USP19: variants seen among roughly 807,000 people sequenced by gnomAD.
The protein encoded by USP19 is ubiquitin specific peptidase 19.
A neutral mutation model predicts 144.8 loss-of-function variants in USP19; 40 were observed. The ratio of observed to expected loss-of-function variants is 0.28; its 90% CI spans 0.21 to 0.36. USP19 has a LOEUF of 0.36. USP19 is among the 10% of genes least tolerant of loss of function. The pLI is 1.00. For missense variants in USP19, 1,518 were observed against 1,822.5 expected (o/e 0.83, Z 3.04); for synonymous variants, 701 against 709.3 (o/e 0.99, Z 0.19).
Position 49,108,724 on chromosome 3 carries a change from T to C in USP19, c.4039-196A>G. ...AACACTTTTAAGTACAGGAAGTAGC[T>C]TGGGCAGGGCCAAGCCTGAGGCCAA... On this transcript the variant is annotated intron_variant, in intron 26 of 26. Transcript: ENST00000417901. The surrounding 1 kb of genome is among the most constrained non-coding windows in gnomAD (Gnocchi z 4.8). The C allele has an allele frequency of 5.2e-6, 7 of 1,355,546 alleles. No homozygotes were observed. The highest frequency in any genetic ancestry group is 5.7e-6 in the Non-Finnish European group (6 of 1,058,278). 84.0% of individuals were successfully genotyped at this position (1,355,546 alleles called of 1,614,324 possible). A position where few individuals can be genotyped will look rare whatever the true frequency, so the allele number is the denominator to read the frequency against.
intron 26 of USP19, among the ~76,000 whole-genome samples, chr3:49,109,680 A>G (rs1432830856): frequency 6.6e-6 from 1 of 152,224 alleles, no homozygotes; most frequent in Non-Finnish European, 1.5e-5. Context: ...AACTGGGCCT[A>G]TGGCACACCA....
Position 49,118,075 on chromosome 3 carries a change from G to A in USP19, c.170C>T (p.Ala57Val), listed in dbSNP as rs1423688977. ...YVAQAGLEPL[A>V]SGDPSASASH... ...GGCTGAGGCAGAAGGATCACCTGAG[G>A]CCAGAGGTTCAAGACCAGCCTGGGC... The change falls in exon 3 of 27, where the codon GCC becomes GTC. Residue 57 changes from alanine to valine, a missense_variant. Around this residue, in one of 5 missense-constraint regions of USP19, gnomAD observed 707 missense variants for 728.9 expected, o/e 0.97. Coordinates refer to ENST00000417901, the MANE Select transcript of USP19 (RefSeq NM_001199161.2). 1 of 1,567,372 alleles carries A rather than the reference G, an allele frequency of 6.4e-7. No individual in the cohort carries two copies. Among genetic ancestry groups the A allele is most frequent in the African/African-American group, 1.4e-5 (1 of 72,832 alleles).
In USP19 at chr3:49,114,481, C is replaced by T. The variant is rs919785259; in HGVS notation, c.2293-197G>A. On this transcript the variant is annotated intron_variant, in intron 15 of 26. Coordinates refer to ENST00000417901, the MANE Select transcript of USP19 (RefSeq NM_001199161.2). This position sits in a 1 kb window ranked among gnomAD's most constrained non-coding sequence, Gnocchi z 4.5. Reference sequence around the variant, plus strand: ...CAATCCTTCTTTCTGGCACTCAAAGCCCTACTCAGCTTAGCCACTTTACGA... The same window carrying T: ...CAATCCTTCTTTCTGGCACTCAAAGTCCTACTCAGCTTAGCCACTTTACGA... Among the ~76,000 whole-genome samples, 1 of 152,192 alleles carries T rather than the reference C, an allele frequency of 6.6e-6. No homozygotes were observed. Among genetic ancestry groups the T allele is most frequent in the Middle Eastern group, 3.2e-3 (1 of 316 alleles).
At position 49,112,013 on chromosome 3, in the gene USP19, C is replaced by G. The variant is rs1307417531; in HGVS notation, c.2801G>C (p.Gly934Ala). 6.2e-7 allele frequency: 1 copy of G among 1,614,108 alleles called. No homozygotes were observed. Among genetic ancestry groups the G allele is most frequent in the East Asian group, 2.2e-5 (1 of 44,882 alleles). ...CQKTHWPDHK[G>A]LCRPENIGYP... ...GCCAATGTTCTCAGGTCGGCAGAGG[C>G]CCTTGTGGTCAGGCCAGTGGGTTTT... Residue 934 changes from glycine to alanine, a missense_variant, in exon 20 of 27, where the codon GGC becomes GCC. Physicochemically the swap from Gly to Ala is moderately conservative, Grantham distance 60 (BLOSUM62 0). This residue lies in a region of USP19 where 413 missense variants were observed against 515.8 expected (regional missense o/e 0.80). Coordinates refer to ENST00000417901, the MANE Select transcript of USP19 (RefSeq NM_001199161.2). The surrounding 1 kb of genome is among the most constrained non-coding windows in gnomAD (Gnocchi z 4.9).
Position 49,116,208 on chromosome 3 carries a change from AG to A in USP19, c.1356-47del, listed in dbSNP as rs2044095919. Reference sequence around the variant, plus strand: ...CAGGGACTTAGGAGGAATGAGCATCAGGATAGATGAGCCAGGGAGATGGAGC... The same window carrying A: ...CAGGGACTTAGGAGGAATGAGCATCAGATAGATGAGCCAGGGAGATGGAGC... On this transcript the variant is annotated intron_variant, in intron 9 of 26. Transcript: ENST00000417901. The surrounding 1 kb of genome is among the most constrained non-coding windows in gnomAD (Gnocchi z 5.0). The A allele has an allele frequency of 6.2e-7, 1 of 1,613,712 alleles. No homozygotes were observed. Among genetic ancestry groups the A allele is most frequent in the Non-Finnish European group, 8.5e-7 (1 of 1,179,818 alleles).
At position 49,111,671 on chromosome 3, in the gene USP19, G is replaced by A. The variant is rs749448470; in HGVS notation, c.3046C>T (p.Leu1016Phe). Reference protein sequence around the residue: ...SERDPIQPPELQLVTPMAEGD... With the variant: ...SERDPIQPPEFQLVTPMAEGD... ...TCAGCCATAGGGGTCACCAGCTGGA[G>A]CTCAGGTGGCTGAATGGGGTCTCTC... The change falls in exon 21 of 27, where the codon CTC (leucine) becomes TTC (phenylalanine). Residue 1016 changes from leucine (L) to phenylalanine (F), a missense_variant. Transcript: ENST00000417901. The surrounding 1 kb of genome is among the most constrained non-coding windows in gnomAD (Gnocchi z 5.9). 1.9e-6 allele frequency: 3 copies of A among 1,602,184 alleles called. No homozygotes were observed. Among genetic ancestry groups the A allele is most frequent in the South Asian group, 2.2e-5 (2 of 89,706 alleles).
Position 49,114,724 on chromosome 3 carries a change from C to G in USP19, c.2292+39G>C, listed in dbSNP as rs2043793616. On this transcript the variant is annotated intron_variant, in intron 15 of 26. Transcript: ENST00000417901. This position sits in a 1 kb window ranked among gnomAD's most constrained non-coding sequence, Gnocchi z 4.5. ...ACCTAATGTGACCAGAATAGCTGAG[C>G]TGAACTAGGGGGTCTCTTTCCAGGG... The G allele has an allele frequency of 3.7e-6, 6 of 1,604,874 alleles. No individual in the cohort carries two copies. In the African/African-American group the frequency reaches 4.0e-5, roughly 11 times the overall value.
At position 49,108,857 on chromosome 3, in the gene USP19, T is replaced by C; in HGVS notation, c.4039-329A>G. 1 of 1,468,964 alleles carries C rather than the reference T, an allele frequency of 6.8e-7. No individual in the cohort carries two copies. Among genetic ancestry groups the C allele is most frequent in the Admixed American group, 2.6e-5 (1 of 38,246 alleles). 91.0% of individuals were successfully genotyped at this position (1,468,964 alleles called of 1,614,324 possible). A position where few individuals can be genotyped will look rare whatever the true frequency, so the allele number is the denominator to read the frequency against. ...TCCCCACCCTCTCCCACCAGATGCA[T>C]AAGCTGAGGCCCAAAGCCCAGAGGT... is the stretch of plus-strand genomic sequence containing the variant. On this transcript the variant is annotated intron_variant, in intron 26 of 26. Transcript: ENST00000417901. The surrounding 1 kb of genome is among the most constrained non-coding windows in gnomAD (Gnocchi z 4.8).
Position 49,117,411 on chromosome 3 carries a change from C to T in USP19, c.606+26G>A, listed in dbSNP as rs138056152. On this transcript the variant is annotated intron_variant, in intron 5 of 26. Transcript: ENST00000417901. The surrounding 1 kb of genome is among the most constrained non-coding windows in gnomAD (Gnocchi z 4.4). ...CCTGTCGACTACACTGGTATCCCTA[C>T]CCAACCCTGTACTACTAGAACTCAC... 4.7e-3 allele frequency: 7,521 copies of T among 1,613,222 alleles called. 101 individuals carry two copies. Among genetic ancestry groups the T allele is most frequent in the Non-Finnish European group, 3.3e-3 (3,871 of 1,179,374 alleles).
At position 49,108,945 on chromosome 3, in the gene USP19, C is replaced by A; in HGVS notation, c.4039-417G>T. ...CAGGTAGGCCAGCTCACAGCAGCTG[C>A]CTGCAGGCGAGCTCATCTCCAGCGA... On this transcript the variant is annotated intron_variant, in intron 26 of 26. Transcript: ENST00000417901. The surrounding 1 kb of genome is among the most constrained non-coding windows in gnomAD (Gnocchi z 4.8). 1 of 1,601,300 alleles carries A rather than the reference C, an allele frequency of 6.2e-7. No homozygotes were observed. Among genetic ancestry groups the A allele is most frequent in the Admixed American group, 1.7e-5 (1 of 58,902 alleles).
chr3:49,117,996 A>C lies in USP19; in HGVS notation c.249T>G (p.Pro83=). 4 of 1,608,372 alleles carry C rather than the reference A, an allele frequency of 2.5e-6. No homozygotes were observed. The highest frequency in any genetic ancestry group is 3.4e-6 in the Non-Finnish European group (4 of 1,178,648). The change falls in exon 3 of 27, where the codon CCT becomes CCG. Residue 83 remains proline (P), a synonymous_variant. Coordinates refer to ENST00000417901, the MANE Select transcript of USP19 (RefSeq NM_001199161.2). The surrounding 1 kb of genome is among the most constrained non-coding windows in gnomAD (Gnocchi z 4.4). ...GSRHRTRLFF[P]SSSGSASTPQ... ...GAGTGGATGCTGACCCTGACGATGA[A>C]GGAAAGAACAGCCGGGTACGGTGGC...
chr3:49,114,424 C>A lies in USP19; in HGVS notation c.2293-140G>T. On this transcript the variant is annotated intron_variant, in intron 15 of 26. Transcript: ENST00000417901. This position sits in a 1 kb window ranked among gnomAD's most constrained non-coding sequence, Gnocchi z 4.5. ...CAGCAAACTCTCAGGCTTCAGGACA[C>A]TAGACAGGGCAGGAGGACCACCAGG... 1 of 740,232 alleles carries A rather than the reference C, an allele frequency of 1.4e-6. No individual in the cohort carries two copies. Among genetic ancestry groups the A allele is most frequent in the South Asian group, 1.8e-5 (1 of 55,422 alleles). The allele number at this position is 740,232 out of a possible 1,614,324, so 45.9% of individuals were successfully genotyped here.
chr3:49,110,369 C>T lies in USP19; in HGVS notation c.3860-7G>A. On this transcript the variant is annotated splice_polypyrimidine_tract_variant and splice_region_variant and intron_variant, in intron 25 of 26. Transcript: ENST00000417901. This position sits in a 1 kb window ranked among gnomAD's most constrained non-coding sequence, Gnocchi z 6.1. ...TCATCAAACAAGCGCCAGCCTACAGCAGGGTGGGAAGAGTGTGAACAAAGT... is the reference window on the plus strand; with the variant it reads ...TCATCAAACAAGCGCCAGCCTACAGTAGGGTGGGAAGAGTGTGAACAAAGT... 6.3e-7 allele frequency: 1 copy of T among 1,595,164 alleles called. No homozygotes were observed.
In USP19 at chr3:49,110,482, C is replaced by T; in HGVS notation, c.3821G>A (p.Arg1274His). 6 of 1,614,164 alleles carry T rather than the reference C, an allele frequency of 3.7e-6. No individual in the cohort carries two copies. The highest frequency in any genetic ancestry group is 5.1e-6 in the Non-Finnish European group (6 of 1,180,024). Reference sequence around the variant, plus strand: ...CTGACTGCTACGATCATTGGGCAGGCGTGCACAGGCAGTGTAGTGGCCACC... The same window carrying T: ...CTGACTGCTACGATCATTGGGCAGGTGTGCACAGGCAGTGTAGTGGCCACC... ...MIGGHYTACA[R>H]LPNDRSSQRS... Residue 1274 changes from arginine (R) to histidine (H), a missense_variant, in exon 25 of 27, where the codon CGC becomes CAC. Around this residue, in one of 5 missense-constraint regions of USP19, gnomAD observed 122 missense variants for 200.4 expected, o/e 0.61. Coordinates refer to ENST00000417901, the MANE Select transcript of USP19 (RefSeq NM_001199161.2). This position sits in a 1 kb window ranked among gnomAD's most constrained non-coding sequence, Gnocchi z 6.1.
rs1290852056 is a variant in USP19, at chr3:49,117,007, G to C, written c.909+52C>G. 4.5e-6 allele frequency: 7 copies of C among 1,558,360 alleles called. No individual in the cohort carries two copies. The highest frequency in any genetic ancestry group is 6.1e-6 in the Non-Finnish European group (7 of 1,149,772). ...TCTGCCAGGTGGCTCCCACTCCAGT[G>C]CACACCCTTTCCCCCCATCTCCTAA... is the stretch of plus-strand genomic sequence containing the variant. On this transcript the variant is annotated intron_variant, in intron 6 of 26. Coordinates refer to ENST00000417901, the MANE Select transcript of USP19 (RefSeq NM_001199161.2). The surrounding 1 kb of genome is among the most constrained non-coding windows in gnomAD (Gnocchi z 4.4).
chr3:49,119,078 T>C lies in USP19; in HGVS notation c.68A>G (p.Lys23Arg). The C allele has an allele frequency of 6.2e-7, 1 of 1,614,208 alleles. No individual in the cohort carries two copies. ...GPPGLEDTTS[K>R]KKQKDRANQE... Reference sequence around the variant, plus strand: ...GTTTGCTCGATCCTTCTGCTTCTTCTTACTAGTGGTGTCCTCCAGTCCTGG... The same window carrying C: ...GTTTGCTCGATCCTTCTGCTTCTTCCTACTAGTGGTGTCCTCCAGTCCTGG... The change falls in exon 2 of 27, where the codon AAG becomes AGG. Residue 23 changes from lysine to arginine, a missense_variant. Transcript: ENST00000417901.
rs1354736248 is a variant in USP19 at position 49,108,542 on chromosome 3, C to T, written c.4039-14G>A. On this transcript the variant is annotated splice_polypyrimidine_tract_variant and intron_variant, in intron 26 of 26. Coordinates refer to ENST00000417901, the MANE Select transcript of USP19 (RefSeq NM_001199161.2). The surrounding 1 kb of genome is among the most constrained non-coding windows in gnomAD (Gnocchi z 4.8). ...AGGGCCTAGTCCCTGCAACAGAATACGAGGACAGGGGTTGGGGGCTGCCCA... is the reference window on the plus strand; with the variant it reads ...AGGGCCTAGTCCCTGCAACAGAATATGAGGACAGGGGTTGGGGGCTGCCCA... 4.0e-6 allele frequency: 5 copies of T among 1,238,732 alleles called. No individual in the cohort carries two copies. The highest frequency in any genetic ancestry group is 4.1e-6 in the Non-Finnish European group (4 of 968,096). The allele number at this position is 1,238,732 out of a possible 1,614,324, so 76.7% of individuals were successfully genotyped here.
intron 2 of USP19, among the ~76,000 whole-genome samples, 185 bp from the exon 3 acceptor site, chr3:49,118,305 C>A (rs960309030): frequency 1.3e-5 from 2 of 150,966 alleles, no homozygotes; most frequent in African/African-American, 4.9e-5. Flanking sequence ...CGGTGGTTCA[C>A]GCCTGCAATC....
In USP19 at chr3:49,117,004, AGT is replaced by A; in HGVS notation, c.909+53_909+54del. 1 of 1,563,666 alleles carries A rather than the reference AGT, an allele frequency of 6.4e-7. No homozygotes were observed. Among genetic ancestry groups the A allele is most frequent in the Non-Finnish European group, 8.7e-7 (1 of 1,152,498 alleles). On this transcript the variant is annotated intron_variant, in intron 6 of 26. Coordinates refer to ENST00000417901, the MANE Select transcript of USP19 (RefSeq NM_001199161.2). The surrounding 1 kb of genome is among the most constrained non-coding windows in gnomAD (Gnocchi z 4.4). The stretch of plus-strand genomic sequence containing the variant: ...GGGTCTGCCAGGTGGCTCCCACTCC[AGT>A]GCACACCCTTTCCCCCCATCTCCTA...
Sources: allele counts gnomAD v4.1 joint callset (sites outside exome capture counted in the v4.1 genomes callset), GRCh38; gene constraint gnomAD v4.1.1; regional missense constraint gnomAD v4.1.1; non-coding constraint Gnocchi (gnomAD v3.1); transcripts MANE v1.5; gene names NCBI Gene and HGNC (gene_info 2026-07-23, HGNC 2026-07-21).